The following CDH12 variants were observed in gnomAD, a reference collection of about 807,000 sequenced individuals.
CDH12 encodes cadherin-12.
A neutral mutation model predicts 74.1 loss-of-function variants in CDH12; 41 were observed. That is an observed-to-expected ratio of 0.55 (90% CI 0.43 to 0.72). CDH12 has a LOEUF of 0.72. Ranked by LOEUF, CDH12 falls within the 30% of genes least tolerant of loss-of-function variation. The pLI, the probability that CDH12 is intolerant of heterozygous loss-of-function variation, is 0.00. For missense variants in CDH12, 945 were observed against 977.2 expected, an observed-to-expected ratio of 0.97 and a Z score of 0.44; for synonymous variants, 399 against 355.0, an observed-to-expected ratio of 1.12 and a Z score of -1.39.
intron 4 of CDH12, among the ~76,000 whole-genome samples, chr5:22,100,409 A>G (rs997091857): frequency 6.6e-6 from 1 of 152,182 alleles, no homozygotes; most frequent in Non-Finnish European, 1.5e-5. Flanking sequence ...TAAGCAAGAG[A>G]GAAACATTTA....
chr5:21,799,444 T>A (rs538322372), intron 10 of CDH12, among the ~76,000 whole-genome samples: 3 of 152,260 alleles, frequency 2.0e-5, no homozygotes, highest in African/African-American at 7.2e-5. Context: ...TGAGAAAGTG[T>A]GTTTAGAAGA....
At chr5:22,838,748 C>T (rs1362265197) in intron 1 of CDH12, among the ~76,000 whole-genome samples, 1 of 151,716 alleles carries the variant, frequency 6.6e-6, no homozygotes, top group Non-Finnish European at 1.5e-5. Context: ...GATCTTGGCT[C>T]ACTACAACCT....
rs561227688 is a variant in CDH12 at position 22,789,207 on chromosome 5, T to C, written c.-523+63851A>G. Among the ~76,000 whole-genome samples the C allele has an allele frequency of 1.4e-4, 22 of 152,164 alleles. 1 individual carries two copies. In the South Asian group the frequency reaches 4.3e-3, roughly 30 times the overall value. On this transcript the variant is annotated intron_variant, in intron 1 of 14. Transcript: ENST00000382254. ...GTTAAAAAAGGAAAAAACAAAATTT[T>C]AGAGAATTTTAGTTTTAACTTGATA...
intron 1 of CDH12, among the ~76,000 whole-genome samples, chr5:22,585,189 A>G (rs1383551316): frequency 1.3e-5 from 2 of 152,202 alleles, no homozygotes; most frequent in Admixed American, 6.5e-5. Context: ...ATTCTACATT[A>G]GAGAATATTT....
intron 3 of CDH12, among the ~76,000 whole-genome samples, chr5:22,244,270 A>G (rs572844584): frequency 1.3e-5 from 2 of 152,118 alleles, no homozygotes; most frequent in African/African-American, 4.8e-5. Flanking sequence ...TGGGTGGATC[A>G]CCTGAGTTCA....
At chr5:22,510,049 T>C (rs1046867677) in intron 1 of CDH12, among the ~76,000 whole-genome samples, 1 of 151,968 alleles carries the variant, frequency 6.6e-6, no homozygotes, top group Non-Finnish European at 1.5e-5. Flanking sequence ...CAATACACCC[T>C]CAATGAAACT....
At chr5:22,125,851 C>G (rs1398303934) in intron 4 of CDH12, among the ~76,000 whole-genome samples, 1 of 152,132 alleles carries the variant, frequency 6.6e-6, no homozygotes, top group Admixed American at 6.5e-5. Flanking sequence ...AGGAGAAACC[C>G]TGTATTGACT....
chr5:22,124,181 G>A (rs1396738221), intron 4 of CDH12, among the ~76,000 whole-genome samples: 1 of 151,610 alleles, frequency 6.6e-6, no homozygotes, highest in East Asian at 1.9e-4. Flanking sequence ...TTTTGAGACA[G>A]AGTCTCGCTT....
At chr5:22,795,582 ACATATATAT>A (rs1245154977) in intron 1 of CDH12, among the ~76,000 whole-genome samples, 2 of 135,088 alleles carry the variant, frequency 1.5e-5, no homozygotes, top group Non-Finnish European at 3.2e-5. Context: ...TATAATATAT[ACATATATAT>A]TATACACACA....
intron 6 of CDH12, among the ~76,000 whole-genome samples, chr5:21,933,264 T>C (rs1486090607): frequency 6.6e-6 from 1 of 152,152 alleles, no homozygotes; most frequent in African/African-American, 2.4e-5. Context: ...GAACATCAGT[T>C]ATCTCTTTTT....
intron 5 of CDH12, among the ~76,000 whole-genome samples, chr5:22,038,503 T>C (rs1739338166): frequency 1.3e-5 from 2 of 152,276 alleles, no homozygotes; most frequent in South Asian, 4.1e-4. Flanking sequence ...AACGGTGCCA[T>C]GGTGGAGCTG....
chr5:22,483,765 A>ATATATAT (rs1365052831), intron 2 of CDH12, among the ~76,000 whole-genome samples: 3 of 22,142 alleles, frequency 1.4e-4, no homozygotes, highest in Admixed American at 7.9e-4. Flanking sequence ...TATATATATA[A>ATATATAT]ATTTAATTAA....
intron 1 of CDH12, among the ~76,000 whole-genome samples, chr5:22,584,789 A>C (rs1740295161): frequency 6.6e-6 from 1 of 152,280 alleles, no homozygotes; most frequent in East Asian, 1.9e-4. Context: ...GGTAGCCTAA[A>C]AATAAAATAC....
At chr5:22,096,971 A>T (rs1424638293) in intron 4 of CDH12, among the ~76,000 whole-genome samples, 2 of 152,212 alleles carry the variant, frequency 1.3e-5, no homozygotes, top group East Asian at 3.8e-4. Flanking sequence ...AGAGGCAGCC[A>T]AGTAGCAACA....
At position 22,556,105 on chromosome 5, in the gene CDH12, A is replaced by C. The variant is rs536499666; in HGVS notation, c.-522-50741T>G. Among the ~76,000 whole-genome samples the C allele has an allele frequency of 2.0e-5, 3 of 152,180 alleles. No homozygotes were observed. The South Asian group carries it at 6.2e-4, about 32-fold the overall frequency. On this transcript the variant is annotated intron_variant, in intron 1 of 14. Transcript: ENST00000382254. Reference sequence around the variant, plus strand: ...TGAAATATTTTTCTACAATCAGTTCAAAAATAAATTTTAACATGTGCTTTA... The same window carrying C: ...TGAAATATTTTTCTACAATCAGTTCCAAAATAAATTTTAACATGTGCTTTA...
At chr5:22,541,324 C>A (rs1489510971) in intron 1 of CDH12, among the ~76,000 whole-genome samples, 2 of 152,204 alleles carry the variant, frequency 1.3e-5, no homozygotes, top group African/African-American at 4.8e-5. Flanking sequence ...TCTTAACTTG[C>A]ACATGAAGTG....
At chr5:22,505,896 A>G (rs1341775002) in intron 1 of CDH12, among the ~76,000 whole-genome samples, 3 of 152,088 alleles carry the variant, frequency 2.0e-5, no homozygotes, top group African/African-American at 4.8e-5. Flanking sequence ...ACCATAAAGT[A>G]TCATTTTTGT....
At chr5:22,197,941 T>C (rs1750714756) in intron 4 of CDH12, among the ~76,000 whole-genome samples, 1 of 152,196 alleles carries the variant, frequency 6.6e-6, no homozygotes, top group Non-Finnish European at 1.5e-5. Context: ...TAAAAGGCTT[T>C]ACATGGTGCT....
At chr5:22,654,252 C>G (rs973218714) in intron 1 of CDH12, among the ~76,000 whole-genome samples, 4 of 134,384 alleles carry the variant, frequency 3.0e-5, no homozygotes, top group African/African-American at 8.3e-5. Context: ...TTCTTTCTTT[C>G]TCTTTCTTGC....
Sources: allele counts gnomAD v4.1 joint callset (sites outside exome capture counted in the v4.1 genomes callset), GRCh38; gene constraint gnomAD v4.1.1; transcripts MANE v1.5; gene names NCBI Gene and HGNC (gene_info 2026-07-23, HGNC 2026-07-21).